The following GRIP2 variants were observed in gnomAD, a reference collection of about 807,000 sequenced individuals.
The protein encoded by GRIP2 is glutamate receptor interacting protein 2, also known as glutamate receptor-interacting protein 2.
Under a neutral mutation model 108.3 loss-of-function variants are expected in GRIP2, and 58 were observed. The ratio of observed to expected loss-of-function variants is 0.54; its 90% confidence interval spans 0.43 to 0.67. GRIP2 has a LOEUF of 0.67. GRIP2 is among the 30% of genes least tolerant of loss of function. The pLI is 0.00. For missense variants in GRIP2, 1,278 were observed against 1,430.6 expected, an observed-to-expected ratio of 0.89 and a Z score of 1.72; for synonymous variants, 586 against 598.2, an observed-to-expected ratio of 0.98 and a Z score of 0.30.
chr3:14,570,328 C>T, the GRIP2 span, among the ~76,000 whole-genome samples: 2 of 152,160 alleles, frequency 1.3e-5, no homozygotes, highest in African/African-American at 2.4e-5. Flanking sequence ...CCTGGGATGG[C>T]GTCATGACCC....
rs746017795 is a variant in GRIP2 at position 14,522,965 on chromosome 3, A to G, written c.566+35T>C. 1 of 1,580,612 alleles carries G rather than the reference A, an allele frequency of 6.3e-7. No individual in the cohort carries two copies. On this transcript the variant is annotated intron_variant, in intron 6 of 23. Transcript: ENST00000621039. This position sits in a 1 kb window ranked among gnomAD's most constrained non-coding sequence, Gnocchi z 4.3. ...CTTCGCAGGGGAGTTGGGGCAGGTC[A>G]GTGCAGTGTGTGGATTTCTTCTGCC...
At chr3:14,515,814 A>G (rs955207591) in intron 11 of GRIP2, among the ~76,000 whole-genome samples, 1 of 151,850 alleles carries the variant, frequency 6.6e-6, no homozygotes, top group Non-Finnish European at 1.5e-5. Flanking sequence ...TATTTTTGGT[A>G]GAGATGGAGT....
intron 1 of GRIP2, among the ~76,000 whole-genome samples, chr3:14,549,562 C>T (rs1438032992): frequency 2.6e-5 from 4 of 152,236 alleles, no homozygotes; most frequent in African/African-American, 9.6e-5. Flanking sequence ...AAACCATCTT[C>T]CCAGATGCCA....
intron 1 of GRIP2, among the ~76,000 whole-genome samples, chr3:14,550,110 T>C (rs1257521041): frequency 5.3e-5 from 8 of 152,320 alleles, no homozygotes; most frequent in African/African-American, 1.7e-4. Context: ...GGACAGGGCT[T>C]GACCCTGGGA....
At chr3:14,563,770 T>C in the GRIP2 span, among the ~76,000 whole-genome samples, 1 of 152,030 alleles carries the variant, frequency 6.6e-6, no homozygotes, top group African/African-American at 2.4e-5. Context: ...AATCAGAAAC[T>C]TGGGGGGTGG....
the GRIP2 span, among the ~76,000 whole-genome samples, chr3:14,593,159 C>G: frequency 7.9e-5 from 12 of 152,360 alleles, no homozygotes; most frequent in South Asian, 2.5e-3. Flanking sequence ...CAGCACAGCT[C>G]AGGTGCCAAG....
chr3:14,513,625 G>T, intron 13 of GRIP2, 40 bp downstream of exon 13: 1 of 1,576,310 alleles, frequency 6.3e-7, no homozygotes, highest in African/African-American at 1.4e-5. Flanking sequence ...GGGGTGCAGG[G>T]CCCTGAAATA....
chr3:14,572,611 C>CAAAAA, the GRIP2 span, among the ~76,000 whole-genome samples: 3,803 of 46,794 alleles, frequency 0.081, 791 homozygotes, highest in African/African-American at 0.16. Context: ...GACTCCGTCT[C>CAAAAA]AAAAAAAAAA....
rs374934598 is a variant in GRIP2 at position 14,513,756 on chromosome 3, G to C, written c.1548C>G (p.Thr516=). The C allele has an allele frequency of 1.2e-6, 2 of 1,612,126 alleles. No homozygotes were observed. Among genetic ancestry groups the C allele is most frequent in the South Asian group, 2.2e-5 (2 of 90,500 alleles). The stretch of plus-strand genomic sequence containing the variant: ...TGGCTTCCTCCATAGTCCCGTCCTC[G>C]GTGGCAATGCCATTGATGGACAGGA... ...DRVLSINGIA[T]EDGTMEEANQ... is the part of the protein sequence containing the mutation. The change falls in exon 13 of 24, where the codon ACC becomes ACG. Residue 516 remains threonine (T), a synonymous_variant. Transcript: ENST00000621039.
the GRIP2 span, among the ~76,000 whole-genome samples, chr3:14,580,313 G>T: frequency 2.0e-5 from 3 of 152,210 alleles, no homozygotes; most frequent in African/African-American, 7.2e-5. Flanking sequence ...TCCAGCCTCA[G>T]GTAGGAAGGG....
intron 1 of GRIP2, among the ~76,000 whole-genome samples, chr3:14,539,550 G>A (rs1694911394): frequency 1.3e-5 from 2 of 152,212 alleles, no homozygotes; most frequent in African/African-American, 2.4e-5. Context: ...TATGTCAAGA[G>A]CGTGGGAAGA....
At chr3:14,510,202 T>A (rs1184817704) in intron 16 of GRIP2, among the ~76,000 whole-genome samples, 1 of 150,696 alleles carries the variant, frequency 6.6e-6, no homozygotes, top group South Asian at 2.1e-4. Context: ...CAAGAAACAG[T>A]GGCCTCTTTT....
At position 14,505,822 on chromosome 3, in the gene GRIP2, GC is replaced by G; in HGVS notation, c.2399-34del. 2 of 1,478,892 alleles carry G rather than the reference GC, an allele frequency of 1.4e-6. No homozygotes were observed. The highest frequency in any genetic ancestry group is 2.8e-5 in the South Asian group (2 of 70,616). The allele number at this position is 1,478,892 out of a possible 1,614,324, so 91.6% of individuals were successfully genotyped here. On this transcript the variant is annotated intron_variant, in intron 19 of 23. Coordinates refer to ENST00000621039, the MANE Select transcript of GRIP2 (RefSeq NM_001080423.4). This position sits in a 1 kb window ranked among gnomAD's most constrained non-coding sequence, Gnocchi z 4.2. ...TGGAGAGAGGGCCTCTGTGTTCCCT[GC>G]GGCCTCACCTTGCCCTCCTGCCTGC...
At chr3:14,541,082 C>G (rs1365415924), upstream of GRIP2, among the ~76,000 whole-genome samples, 1 of 152,268 alleles carries the variant, frequency 6.6e-6, no homozygotes, top group African/African-American at 2.4e-5. Flanking sequence ...GTCCCAGACC[C>G]AGCTGGGCCT....
the GRIP2 span, among the ~76,000 whole-genome samples, chr3:14,587,605 C>T: frequency 8.0e-5 from 12 of 150,462 alleles, no homozygotes; most frequent in African/African-American, 2.7e-4. Context: ...TGCCACTGCA[C>T]TCCAGCCTGG....
the GRIP2 span, among the ~76,000 whole-genome samples, chr3:14,580,232 C>G: frequency 6.6e-6 from 1 of 152,288 alleles, no homozygotes; most frequent in Admixed American, 6.5e-5. Context: ...CCTGGTGGCC[C>G]CAGAAGGTTC....
chr3:14,575,487 G>A, the GRIP2 span, among the ~76,000 whole-genome samples: 12 of 152,330 alleles, frequency 7.9e-5, no homozygotes, highest in South Asian at 2.1e-3. Flanking sequence ...TGAGGTGGGG[G>A]CCCAGCAAGC....
rs1420676755 is a variant in GRIP2 at position 14,505,801 on chromosome 3, G to C, written c.2399-12C>G. The C allele has an allele frequency of 1.3e-6, 2 of 1,506,486 alleles. No individual in the cohort carries two copies. Among genetic ancestry groups the C allele is most frequent in the Non-Finnish European group, 8.9e-7 (1 of 1,128,976 alleles). 93.3% of individuals were successfully genotyped at this position (1,506,486 alleles called of 1,614,324 possible). On this transcript the variant is annotated splice_polypyrimidine_tract_variant and intron_variant, in intron 19 of 23. Coordinates refer to ENST00000621039, the MANE Select transcript of GRIP2 (RefSeq NM_001080423.4). The surrounding 1 kb of genome is among the most constrained non-coding windows in gnomAD (Gnocchi z 4.2). ...TGGTGTATAGGACCCTGGTGGTGGAGAGAGGGCCTCTGTGTTCCCTGCGGC... is the reference window on the plus strand; with the variant it reads ...TGGTGTATAGGACCCTGGTGGTGGACAGAGGGCCTCTGTGTTCCCTGCGGC...
chr3:14,511,142 G>A lies in GRIP2; in HGVS notation c.1933+23C>T. On this transcript the variant is annotated intron_variant, in intron 16 of 23. Transcript: ENST00000621039. The surrounding 1 kb of genome is among the most constrained non-coding windows in gnomAD (Gnocchi z 4.1). ...GTCAAAGGGTGGGCCTCTGGAGGTA[G>A]GAGGCCAGCATGAGGGCCATACCAG... 2 of 1,612,624 alleles carry A rather than the reference G, an allele frequency of 1.2e-6. No individual in the cohort carries two copies. Among genetic ancestry groups the A allele is most frequent in the South Asian group, 1.1e-5 (1 of 90,770 alleles).
Sources: gnomAD v4.1 joint callset for allele counts (sites outside exome capture counted in the v4.1 genomes callset) on GRCh38, gnomAD v4.1.1 for gene constraint, Gnocchi (gnomAD v3.1) non-coding constraint, MANE v1.5 for transcripts, NCBI Gene and HGNC (gene_info 2026-07-23, HGNC 2026-07-21) for gene names.